The following HTR2C variants were observed in gnomAD, a reference collection of about 807,000 sequenced individuals.
The protein encoded by HTR2C is 5-hydroxytryptamine (serotonin) receptor 2C, G protein-coupled.
HTR2C carries 5 observed loss-of-function variants against 21.0 expected under a neutral mutation model. The observed-to-expected ratio is 0.24, with a 90% CI of 0.12 to 0.50. HTR2C has a LOEUF of 0.50. HTR2C is among the 20% of genes least tolerant of loss of function. HTR2C has a pLI of 0.98. For synonymous variants in HTR2C, 150 were observed against 145.3 expected (o/e 1.03, Z -0.23); for missense variants, 271 against 371.2 (o/e 0.73, Z 2.22).
rs945320421 is a variant in HTR2C at position 114,855,854 on chromosome X, A to C, written c.550+7651A>C. Among the ~76,000 whole-genome samples the C allele has an allele frequency of 5.7e-4, 55 of 96,003 alleles. 1 individual carries two copies. The highest frequency in any genetic ancestry group is 2.0e-3 in the African/African-American group (52 of 25,933). The allele number at this position is 96,003 out of a possible 115,157, so 83.4% of individuals were successfully genotyped here. ...AATCAGGTCTAAGTTTTCTTTCTCC[A>C]AACAGGTATGTTTAAATTCTTTATA... On this transcript the variant is annotated intron_variant, in intron 5 of 5. Transcript: ENST00000276198.
intron 4 of HTR2C, among the ~76,000 whole-genome samples, chrX:114,746,539 T>C (rs782141081): frequency 1.5e-4 from 17 of 111,303 alleles, no homozygotes; most frequent in Non-Finnish European, 3.8e-5. Flanking sequence ...GAAAAGACAT[T>C]TGGCAAAAAT....
chrX:114,603,655 G>A (rs1377493086), intron 1 of HTR2C, among the ~76,000 whole-genome samples: 1 of 53,890 alleles, frequency 1.9e-5, no homozygotes, highest in East Asian at 8.3e-4. Context: ...AATGGGGGCT[G>A]TCTGTGAAGC....
chrX:114,793,404 T>A (rs1259160976), intron 4 of HTR2C, among the ~76,000 whole-genome samples: 1 of 111,860 alleles, frequency 8.9e-6, no homozygotes. Flanking sequence ...TATTTGAAGC[T>A]ATGCATCACT....
intron 2 of HTR2C, among the ~76,000 whole-genome samples, chrX:114,725,586 G>A (rs1933426834): frequency 8.9e-6 from 1 of 111,971 alleles, no homozygotes. Flanking sequence ...GAGGAGGAGA[G>A]GCGCTCTGCA....
intron 4 of HTR2C, among the ~76,000 whole-genome samples, chrX:114,780,351 T>C (rs1160963115): frequency 9.0e-6 from 1 of 111,302 alleles, no homozygotes; most frequent in Non-Finnish European, 1.9e-5. Flanking sequence ...GTAAAATCTA[T>C]ATGAAGGATG....
rs782423074 is a variant in HTR2C at position 114,736,168 on chromosome X, AT to A, written c.349+4562del. 1.3e-4 allele frequency among the ~76,000 whole-genome samples: 15 copies of A among 111,482 alleles called. No homozygotes were observed. The South Asian group carries it at 5.6e-3, about 41-fold the overall frequency. On this transcript the variant is annotated intron_variant, in intron 4 of 5. Coordinates refer to ENST00000276198, the MANE Select transcript of HTR2C (RefSeq NM_000868.4). ...GCACTTAACATTATATGATGATATA[AT>A]ATGACAGAGTTAAAATCAAACATAT... is the stretch of plus-strand genomic sequence containing the variant.
chrX:114,694,434 AATATATATATATATAT>A (rs782501990), intron 2 of HTR2C, among the ~76,000 whole-genome samples: 69 of 91,936 alleles, frequency 7.5e-4, no homozygotes, highest in African/African-American at 1.5e-3. Flanking sequence ...TCCTCAACTA[AATATATATATATATAT>A]ATATATATAT....
At chrX:114,683,307 A>T (rs1556413757) in intron 2 of HTR2C, among the ~76,000 whole-genome samples, 1 of 111,947 alleles carries the variant, frequency 8.9e-6, no homozygotes, top group African/African-American at 3.2e-5. Flanking sequence ...GCATTATATC[A>T]TCTAGTCATA....
At chrX:114,718,108 C>T (rs781925284) in intron 2 of HTR2C, among the ~76,000 whole-genome samples, 1 of 110,948 alleles carries the variant, frequency 9.0e-6, no homozygotes, top group Non-Finnish European at 1.9e-5. Context: ...CTGCTGCTGC[C>T]ACCTGCTGAC....
At chrX:114,781,008 A>AT (rs782277675) in intron 4 of HTR2C, among the ~76,000 whole-genome samples, 2 of 111,981 alleles carry the variant, frequency 1.8e-5, no homozygotes, top group East Asian at 5.6e-4. Flanking sequence ...TCTGCTTTTA[A>AT]TTTTTAGAAG....
At chrX:114,737,473 G>A (rs1450424951) in intron 4 of HTR2C, among the ~76,000 whole-genome samples, 2 of 111,057 alleles carry the variant, frequency 1.8e-5, no homozygotes, top group East Asian at 5.7e-4. Context: ...GCCCGCCTCA[G>A]TCTCCCAAAG....
chrX:114,627,688 CA>C (rs1418802209), intron 2 of HTR2C, among the ~76,000 whole-genome samples: 1 of 111,926 alleles, frequency 8.9e-6, no homozygotes, highest in Non-Finnish European at 1.9e-5. Flanking sequence ...TATCATTGCA[CA>C]GTCTCCTTTT....
At chrX:114,855,444 T>C (rs2070951798) in intron 5 of HTR2C, among the ~76,000 whole-genome samples, 3 of 111,221 alleles carry the variant, frequency 2.7e-5, no homozygotes, top group Admixed American at 9.6e-5. Flanking sequence ...TCAACCTTAA[T>C]GGAAAAATCT....
chrX:114,604,450 A>G (rs1046907114), intron 1 of HTR2C, among the ~76,000 whole-genome samples: 1 of 110,264 alleles, frequency 9.1e-6, no homozygotes, highest in Non-Finnish European at 1.9e-5. Flanking sequence ...TGGAGTGGGT[A>G]GCCTCCGTAT....
At chrX:114,662,387 A>G (rs782405876) in intron 2 of HTR2C, among the ~76,000 whole-genome samples, 1 of 111,317 alleles carries the variant, frequency 9.0e-6, no homozygotes, top group Non-Finnish European at 1.9e-5. Context: ...CTTTAAATCT[A>G]TTTGAAGTAA....
At chrX:114,748,015 T>A (rs1303086795) in intron 4 of HTR2C, among the ~76,000 whole-genome samples, 1 of 112,029 alleles carries the variant, frequency 8.9e-6, no homozygotes, top group Non-Finnish European at 1.9e-5. Context: ...ATTTGGGGGA[T>A]AATTTGCTAT....
At chrX:114,658,160 G>C (rs1183630536) in intron 2 of HTR2C, among the ~76,000 whole-genome samples, 1 of 110,944 alleles carries the variant, frequency 9.0e-6, no homozygotes, top group Non-Finnish European at 1.9e-5. Context: ...ATTTGCTCTT[G>C]TTAATAAATA....
At chrX:114,697,365 C>T (rs916825270) in intron 2 of HTR2C, among the ~76,000 whole-genome samples, 17 of 112,042 alleles carry the variant, frequency 1.5e-4, no homozygotes, top group African/African-American at 2.9e-4. Context: ...AAGTATCTTC[C>T]GCTTTTTTGG....
chrX:114,652,473 A>G (rs1029011128), intron 2 of HTR2C, among the ~76,000 whole-genome samples: 3 of 110,370 alleles, frequency 2.7e-5, no homozygotes, highest in Non-Finnish European at 5.7e-5. Context: ...TTAAGTGAGA[A>G]TATAAATGGA....
Sources: allele counts gnomAD v4.1 joint callset (sites outside exome capture counted in the v4.1 genomes callset), GRCh38; gene constraint gnomAD v4.1.1; transcripts MANE v1.5; gene names NCBI Gene and HGNC (gene_info 2026-07-23, HGNC 2026-07-21).